ARFGEF2: variants seen among roughly 807,000 people sequenced by gnomAD.
The protein encoded by ARFGEF2 is brefeldin A-inhibited guanine nucleotide-exchange protein 2.
A neutral mutation model predicts 219.9 loss-of-function variants in ARFGEF2; 74 were observed. The observed-to-expected ratio is 0.34, with a 90% CI of 0.28 to 0.41. The LOEUF is 0.41. ARFGEF2 is among the 10% of genes least tolerant of loss of function. The pLI is 1.00. For synonymous variants in ARFGEF2, 733 were observed against 799.2 expected, an observed-to-expected ratio of 0.92 and a Z score of 1.40; for missense variants, 1,743 against 2,218.3, an observed-to-expected ratio of 0.79 and a Z score of 4.30.
chr20:48,963,951 T>C, intron 7 of ARFGEF2, 53 bp downstream of exon 7: 2 of 1,561,964 alleles, frequency 1.3e-6, no homozygotes, highest in Non-Finnish European at 1.8e-6. Flanking sequence ...CTCCAAAAAG[T>C]CCTCAGCAAA....
intron 30 of ARFGEF2, among the ~76,000 whole-genome samples, 160 bp from the exon 31 acceptor site, chr20:49,016,120 G>A (rs1025190791): frequency 6.6e-6 from 1 of 152,020 alleles, no homozygotes; most frequent in African/African-American, 2.4e-5. Flanking sequence ...AGATCCCTCT[G>A]TATATCCTCT....
chr20:48,957,346 G>T (rs147251514), intron 6 of ARFGEF2, among the ~76,000 whole-genome samples: 2 of 152,352 alleles, frequency 1.3e-5, no homozygotes, highest in Admixed American at 1.3e-4. Flanking sequence ...CTGTTAGGAA[G>T]GATATGAGTT....
At chr20:48,985,638 C>T in intron 16 of ARFGEF2, 25 bp downstream of exon 16, 1 of 1,611,052 alleles carries the variant, frequency 6.2e-7, no homozygotes, top group Non-Finnish European at 8.5e-7. Context: ...TGAGTCCCTT[C>T]CAGATCATCT....
chr20:48,963,238 A>G (rs1383497496), intron 6 of ARFGEF2, among the ~76,000 whole-genome samples: 1 of 151,904 alleles, frequency 6.6e-6, no homozygotes, highest in Non-Finnish European at 1.5e-5. Context: ...ACTTTACGTA[A>G]GCTCTTTCCC....
At position 49,025,320 on chromosome 20, in the gene ARFGEF2, C is replaced by T. The variant is rs1047131672; in HGVS notation, c.4763C>T (p.Thr1588Met). The change falls in exon 36 of 39, where the codon ACG (threonine) becomes ATG (methionine). Residue 1588 changes from threonine (T) to methionine (M), a missense_variant. Around this residue, in one of 5 missense-constraint regions of ARFGEF2, gnomAD observed 578 missense variants for 664.0 expected, o/e 0.87. Transcript: ENST00000371917. ...AEHMVAAQQD[T>M]LDADIHIETE... is the part of the protein sequence containing the mutation. ...CTCTGTCCTGTCCTCTAGCAAGACA[C>T]GCTGGATGCAGATATCCACATAGAG... 8.1e-6 allele frequency: 13 copies of T among 1,610,282 alleles called. No individual in the cohort carries two copies. Among genetic ancestry groups the T allele is most frequent in the Admixed American group, 1.7e-5 (1 of 59,252 alleles).
chr20:48,985,272 C>G, intron 15 of ARFGEF2, 136 bp from the exon 16 acceptor site: 1 of 906,902 alleles, frequency 1.1e-6, no homozygotes, highest in Non-Finnish European at 1.8e-6. Flanking sequence ...TCAGGGAGTT[C>G]CCTAGCTTTT....
intron 1 of ARFGEF2, among the ~76,000 whole-genome samples, chr20:48,934,326 C>A (rs546389038): frequency 6.6e-6 from 1 of 151,888 alleles, no homozygotes; most frequent in African/African-American, 2.4e-5. Flanking sequence ...TCCTTTTTCT[C>A]CCTCCGTTTA....
rs1209906395 is a variant in ARFGEF2, at chr20:49,011,958, C to A, written c.3792C>A (p.Ile1264=). Reference sequence around the variant, plus strand: ...TCCAGCACCATTTTCCTGCAGCCATCGATTCCTTTCAGGATGCTGTGAAGT... The same window carrying A: ...TCCAGCACCATTTTCCTGCAGCCATAGATTCCTTTCAGGATGCTGTGAAGT... The part of the protein sequence containing the change: ...TIFQHHFPAA[I]DSFQDAVKCL... Residue 1264 remains isoleucine (I), a synonymous_variant, in exon 28 of 39, where the codon ATC becomes ATA. Coordinates refer to ENST00000371917, the MANE Select transcript of ARFGEF2 (RefSeq NM_006420.3). The A allele has an allele frequency of 6.2e-7, 1 of 1,614,100 alleles. No homozygotes were observed. The highest frequency in any genetic ancestry group is 8.5e-7 in the Non-Finnish European group (1 of 1,180,050).
Position 48,994,573 on chromosome 20 carries a change from A to C in ARFGEF2, c.3096A>C (p.Gly1032=). The stretch of plus-strand genomic sequence containing the variant: ...GCCTGAAGGGCCACACATTGGCAGG[A>C]GAAGAGTTCATGGGCCTTGGCCTCG... ...EGSLKGHTLA[G]EEFMGLGLGN... The change falls in exon 22 of 39, where the codon GGA becomes GGC. Residue 1032 remains glycine, a synonymous_variant. Coordinates refer to ENST00000371917, the MANE Select transcript of ARFGEF2 (RefSeq NM_006420.3). 6.2e-7 allele frequency: 1 copy of C among 1,614,030 alleles called. No individual in the cohort carries two copies. Among genetic ancestry groups the C allele is most frequent in the Non-Finnish European group, 8.5e-7 (1 of 1,180,028 alleles).
At chr20:48,996,039 T>C (rs1045075344) in intron 23 of ARFGEF2, among the ~76,000 whole-genome samples, 157 bp downstream of exon 23, 15 of 152,252 alleles carry the variant, frequency 9.9e-5, no homozygotes, top group African/African-American at 3.4e-4. Context: ...TTTGACCTTT[T>C]AGAAAAGGTA....
chr20:49,018,805 C>A, intron 33 of ARFGEF2, 79 bp from the exon 34 acceptor site: 3 of 1,122,518 alleles, frequency 2.7e-6, no homozygotes, highest in East Asian at 4.8e-5. Context: ...CTGGACCAGC[C>A]GTGTTAAAAC....
chr20:48,953,783 A>G lies in ARFGEF2; in HGVS notation c.831A>G (p.Ser277=), dbSNP rs1212972034. The G allele has an allele frequency of 3.7e-6, 6 of 1,613,768 alleles. No homozygotes were observed. The highest frequency in any genetic ancestry group is 1.1e-5 in the South Asian group (1 of 91,030). ...NGDAPRERGS[S]LSGTDDGAQE... is the part of the protein sequence containing the mutation. ...ACGCACCCAGAGAAAGAGGCTCATC[A>G]CTGTCAGGTACGGGCTGATACGGTA... Residue 277 remains serine, a synonymous_variant, in exon 6 of 39, where the codon TCA becomes TCG. Coordinates refer to ENST00000371917, the MANE Select transcript of ARFGEF2 (RefSeq NM_006420.3).
At chr20:48,984,954 C>T (rs1195872394) in intron 15 of ARFGEF2, 114 bp downstream of exon 15, 1 of 1,558,746 alleles carries the variant, frequency 6.4e-7, no homozygotes, top group East Asian at 2.4e-5. Context: ...TTGTCCACCC[C>T]CGGGTTATAC....
intron 1 of ARFGEF2, among the ~76,000 whole-genome samples, chr20:48,923,242 G>A (rs1412638067): frequency 6.6e-6 from 1 of 152,170 alleles, no homozygotes; most frequent in Non-Finnish European, 1.5e-5. Context: ...GTAAAGGCCT[G>A]TTTTTCCTAA....
At chr20:48,975,022 T>TA (rs2091252480) in intron 13 of ARFGEF2, 148 bp downstream of exon 13, 4 of 715,222 alleles carry the variant, frequency 5.6e-6, no homozygotes, top group Non-Finnish European at 9.8e-6. Flanking sequence ...TCCTGCTTTT[T>TA]ATTGCATCTG....
chr20:48,976,189 G>A lies in ARFGEF2; in HGVS notation c.1948G>A (p.Gly650Ser), dbSNP rs201921329. 1.2e-5 allele frequency: 19 copies of A among 1,613,958 alleles called. No homozygotes were observed. The highest frequency in any genetic ancestry group is 6.7e-5 in the African/African-American group (5 of 75,022). The change falls in exon 14 of 39, where the codon GGC becomes AGC. Residue 650 changes from glycine (G) to serine (S), a missense_variant. Gly to Ser is a moderately conservative substitution (Grantham distance 56, BLOSUM62 0). Coordinates refer to ENST00000371917, the MANE Select transcript of ARFGEF2 (RefSeq NM_006420.3). Reference sequence around the variant, plus strand: ...GCAACAAAAAGAAATCATTGAACACGGCATCGAGCTGTGAGTGGGGCTGCC... The same window carrying A: ...GCAACAAAAAGAAATCATTGAACACAGCATCGAGCTGTGAGTGGGGCTGCC... ...IKQQKEIIEH[G>S]IELFNKKPKR...
chr20:49,017,033 C>T (rs1332785151), intron 31 of ARFGEF2, among the ~76,000 whole-genome samples: 1 of 152,136 alleles, frequency 6.6e-6, no homozygotes, highest in Admixed American at 6.6e-5. Context: ...AAAATGTTGA[C>T]CTTTCTTCTT....
intron 3 of ARFGEF2, among the ~76,000 whole-genome samples, chr20:48,944,281 G>A (rs6095374): frequency 6.6e-6 from 1 of 152,154 alleles, no homozygotes; most frequent in Admixed American, 6.5e-5. Flanking sequence ...CGCATGTTAA[G>A]GTTTTCTTTT....
chr20:48,968,860 C>G (rs1378256365), intron 8 of ARFGEF2, among the ~76,000 whole-genome samples: 1 of 152,162 alleles, frequency 6.6e-6, no homozygotes, highest in Non-Finnish European at 1.5e-5. Flanking sequence ...ATATCCTTCC[C>G]TCCCCCACAT....
Sources: gnomAD v4.1 joint callset for allele counts (sites outside exome capture counted in the v4.1 genomes callset) on GRCh38, gnomAD v4.1.1 for gene constraint, gnomAD v4.1.1 regional missense constraint, MANE v1.5 for transcripts, NCBI Gene and HGNC (gene_info 2026-07-23, HGNC 2026-07-21) for gene names.